LINGO3: variants seen among roughly 807,000 people sequenced by gnomAD.
The protein encoded by LINGO3 is leucine rich repeat and Ig domain containing 3, also known as leucine-rich repeat and immunoglobulin-like domain-containing nogo receptor-interacting protein 3.
For missense variants in LINGO3, 750 were observed against 867.7 expected (o/e 0.86, Z 1.70); for synonymous variants, 427 against 444.2 (o/e 0.96, Z 0.49).
At chr19:2,298,122 C>G in the LINGO3 span, among the ~76,000 whole-genome samples, 2 of 151,768 alleles carry the variant, frequency 1.3e-5, no homozygotes, top group South Asian at 4.2e-4. Flanking sequence ...CTCCTGGGCT[C>G]AAGTGATCTG....
chr19:2,289,955 G>A (rs1344032723), exon 1 of LINGO3: 45 of 1,450,874 alleles, frequency 3.1e-5, no homozygotes, highest in Non-Finnish European at 4.1e-5. Context: ...GCGAGCGGCC[G>A]GCCCGCGGGG....
At chr19:2,302,805 G>A in the LINGO3 span, among the ~76,000 whole-genome samples, 1 of 152,250 alleles carries the variant, frequency 6.6e-6, no homozygotes, top group Non-Finnish European at 1.5e-5. Flanking sequence ...CAGGGACGGC[G>A]TTGGCGGTGG....
chr19:2,297,946 G>A, the LINGO3 span, among the ~76,000 whole-genome samples: 1 of 151,376 alleles, frequency 6.6e-6, no homozygotes, highest in Non-Finnish European at 1.5e-5. Context: ...CGCCCAGTCT[G>A]GAATGGCAGG....
the LINGO3 span, among the ~76,000 whole-genome samples, chr19:2,305,762 G>A: frequency 6.6e-6 from 1 of 152,138 alleles, no homozygotes; most frequent in Admixed American, 6.5e-5. Context: ...CAACCAGGGC[G>A]GTGGGAGTAA....
At chr19:2,301,697 G>T in the LINGO3 span, among the ~76,000 whole-genome samples, 1 of 152,090 alleles carries the variant, frequency 6.6e-6, no homozygotes, top group Non-Finnish European at 1.5e-5. Context: ...GGAGGCCGAG[G>T]AGGGCGGATC....
upstream of LINGO3, among the ~76,000 whole-genome samples, chr19:2,294,929 C>A (rs1012811840): frequency 6.6e-6 from 1 of 152,074 alleles, no homozygotes; most frequent in Non-Finnish European, 1.5e-5. The surrounding 1 kb of genome is among the most constrained non-coding windows in gnomAD (Gnocchi z 4.3). Flanking sequence ...GGCATCTTGG[C>A]AGCTGAGCCC....
Position 2,290,725 on chromosome 19 carries a change from C to T in LINGO3, c.1052G>A (p.Gly351Glu), listed in dbSNP as rs1433239970. 6.2e-7 allele frequency: 1 copy of T among 1,612,516 alleles called. No homozygotes were observed. The highest frequency in any genetic ancestry group is 8.5e-7 in the Non-Finnish European group (1 of 1,179,606). ...GCGACAGTCGCAGGCCAGCGGGTTCCCGTCCACGCGCAGCGTCTCTAGCGT... is the reference window on the plus strand; with the variant it reads ...GCGACAGTCGCAGGCCAGCGGGTTCTCGTCCACGCGCAGCGTCTCTAGCGT... Residue 351 changes from glycine (G) to glutamate (E), a missense_variant, in exon 1 of 1, where the codon GGG (glycine) becomes GAG (glutamate). Coordinates refer to ENST00000585527, the Ensembl canonical transcript of LINGO3. This position sits in a 1 kb window ranked among gnomAD's most constrained non-coding sequence, Gnocchi z 6.0.
chr19:2,292,184 G>T (rs2025531137), upstream of LINGO3, among the ~76,000 whole-genome samples: 1 of 112,068 alleles, frequency 8.9e-6, no homozygotes, highest in Admixed American at 9.7e-5. Flanking sequence ...TGAGACCCCT[G>T]TCTCTTAAAA....
the LINGO3 span, among the ~76,000 whole-genome samples, chr19:2,297,602 CTTT>C: frequency 2.3e-5 from 3 of 130,980 alleles, no homozygotes; most frequent in Non-Finnish European, 3.3e-5. Flanking sequence ...CGCACCCGGC[CTTT>C]TTTTTTTTTT....
At chr19:2,299,400 C>G in the LINGO3 span, among the ~76,000 whole-genome samples, 45 of 152,216 alleles carry the variant, frequency 3.0e-4, no homozygotes, top group Middle Eastern at 3.4e-3. Context: ...TCCGGTTGTC[C>G]TCCCTGGTCT....
chr19:2,291,294 G>A, exon 1 of LINGO3: 1 of 1,612,752 alleles, frequency 6.2e-7, no homozygotes, highest in Non-Finnish European at 8.5e-7. Flanking sequence ...CGAATACCAG[G>A]TCGTTGTCGC....
exon 1 of LINGO3, chr19:2,289,917 C>T: frequency 8.2e-7 from 1 of 1,213,090 alleles, no homozygotes; most frequent in Non-Finnish European, 1.1e-6. Flanking sequence ...CCGTCCCCTT[C>T]CCCTCCGGGA....
At chr19:2,292,399 C>CAA (rs1156254881), upstream of LINGO3, among the ~76,000 whole-genome samples, 49 of 42,600 alleles carry the variant, frequency 1.2e-3, no homozygotes, top group South Asian at 3.7e-3. Context: ...AACCCTGTCT[C>CAA]AAAAAAAAAA....
chr19:2,287,531 T>A (rs74788173), downstream of LINGO3, among the ~76,000 whole-genome samples: 12,265 of 152,310 alleles, frequency 0.081, 642 homozygotes, highest in South Asian at 0.14. The surrounding 1 kb of genome is among the most constrained non-coding windows in gnomAD (Gnocchi z 4.5). Flanking sequence ...ATCGTGGTGC[T>A]GGCCTGGGCC....
the LINGO3 span, among the ~76,000 whole-genome samples, chr19:2,303,902 G>A: frequency 1.3e-5 from 2 of 152,202 alleles, no homozygotes; most frequent in African/African-American, 4.8e-5. Context: ...CACCTGAATC[G>A]GCCACTGACT....
chr19:2,306,441 G>C, the LINGO3 span, among the ~76,000 whole-genome samples: 2 of 152,184 alleles, frequency 1.3e-5, no homozygotes, highest in South Asian at 2.1e-4. Flanking sequence ...GACTCAGGGG[G>C]CGCCGGGGAA....
chr19:2,308,142 A>AGGC, the LINGO3 span, among the ~76,000 whole-genome samples: 1 of 139,692 alleles, frequency 7.2e-6, no homozygotes, highest in African/African-American at 2.6e-5. Context: ...CGACACGAGC[A>AGGC]GCCGCCGCCG....
At chr19:2,297,602 C>CT in the LINGO3 span, among the ~76,000 whole-genome samples, 1,353 of 130,946 alleles carry the variant, frequency 0.01, 28 homozygotes, top group African/African-American at 0.023. Context: ...CGCACCCGGC[C>CT]TTTTTTTTTT....
the LINGO3 span, among the ~76,000 whole-genome samples, chr19:2,301,254 T>A: frequency 6.6e-6 from 1 of 151,772 alleles, no homozygotes; most frequent in Admixed American, 6.6e-5. Flanking sequence ...GGGGACAGAT[T>A]TAGTGTTTTT....
Sources: allele counts gnomAD v4.1 joint callset (sites outside exome capture counted in the v4.1 genomes callset), GRCh38; gene constraint gnomAD v4.1.1; non-coding constraint Gnocchi (gnomAD v3.1); transcripts MANE v1.5; gene names NCBI Gene and HGNC (gene_info 2026-07-23, HGNC 2026-07-21).